ZNF385B: variants seen among roughly 807,000 people sequenced by gnomAD.
ZNF385B encodes zinc finger protein 533.
In ZNF385B, 23 loss-of-function variants were observed where a neutral mutation model predicts 39.2. That is an observed-to-expected ratio of 0.59 (90% CI 0.42 to 0.83). The LOEUF (loss-of-function observed/expected upper bound fraction) is 0.83, where lower values mean the gene tolerates loss of function less well. ZNF385B is among the 40% of genes least tolerant of loss of function. ZNF385B has a pLI of 0.00. For synonymous variants in ZNF385B, 205 were observed against 222.6 expected (o/e 0.92, Z 0.70); for missense variants, 552 against 598.9 (o/e 0.92, Z 0.82).
At chr2:179,776,706 G>C (rs1704343362) in intron 1 of ZNF385B, among the ~76,000 whole-genome samples, 1 of 152,112 alleles carries the variant, frequency 6.6e-6, no homozygotes, top group African/African-American at 2.4e-5. Context: ...GAAGGCAGTG[G>C]TCCAAAGCTA....
chr2:179,495,124 G>T (rs1386631378), intron 5 of ZNF385B, among the ~76,000 whole-genome samples: 1 of 152,112 alleles, frequency 6.6e-6, no homozygotes, highest in East Asian at 1.9e-4. Flanking sequence ...GTGCCAGAAG[G>T]GGAGCCCACT....
intron 3 of ZNF385B, among the ~76,000 whole-genome samples, chr2:179,665,470 A>T (rs1695026004): frequency 6.6e-6 from 1 of 152,160 alleles, no homozygotes; most frequent in Non-Finnish European, 1.5e-5. Flanking sequence ...CTACCCAGAC[A>T]TTTAACTTGG....
intron 3 of ZNF385B, among the ~76,000 whole-genome samples, chr2:179,645,611 C>T (rs1486866828): frequency 2.6e-5 from 4 of 152,176 alleles, no homozygotes; most frequent in Non-Finnish European, 5.9e-5. Flanking sequence ...TTCATGAAGA[C>T]TTACACAGTG....
At chr2:179,690,222 A>AG (rs1698253035) in intron 3 of ZNF385B, among the ~76,000 whole-genome samples, 1 of 152,188 alleles carries the variant, frequency 6.6e-6, no homozygotes, top group Non-Finnish European at 1.5e-5. Context: ...GGGGAAAAAA[A>AG]AGAGAGAGAA....
At chr2:179,476,217 G>T (rs1157403593) in intron 6 of ZNF385B, among the ~76,000 whole-genome samples, 1 of 151,984 alleles carries the variant, frequency 6.6e-6, no homozygotes. Context: ...AATAACCTTT[G>T]TTGAAATCTC....
intron 1 of ZNF385B, among the ~76,000 whole-genome samples, chr2:179,835,476 C>T (rs1234604413): frequency 2.0e-5 from 3 of 152,248 alleles, no homozygotes; most frequent in Non-Finnish European, 1.5e-5. Context: ...AAGCTAAATA[C>T]GTGCACCATA....
chr2:179,515,297 T>C (rs1331137189), intron 5 of ZNF385B, among the ~76,000 whole-genome samples: 1 of 152,194 alleles, frequency 6.6e-6, no homozygotes, highest in Non-Finnish European at 1.5e-5. Flanking sequence ...AACCAAGCAG[T>C]TCTCTATTAC....
chr2:179,745,046 T>C (rs1172079702), intron 3 of ZNF385B, among the ~76,000 whole-genome samples: 2 of 152,178 alleles, frequency 1.3e-5, no homozygotes, highest in Non-Finnish European at 2.9e-5. Context: ...TATATTTAAA[T>C]GATACAATCT....
intron 3 of ZNF385B, among the ~76,000 whole-genome samples, chr2:179,670,659 C>T (rs898411777): frequency 1.6e-4 from 24 of 152,100 alleles, no homozygotes; most frequent in African/African-American, 5.6e-4. Flanking sequence ...TCCAACATAC[C>T]ACTGAAAAGG....
intron 3 of ZNF385B, among the ~76,000 whole-genome samples, chr2:179,585,106 T>C (rs1298271615): frequency 2.0e-5 from 3 of 152,146 alleles, no homozygotes; most frequent in East Asian, 3.8e-4. Flanking sequence ...CAGCTTACAG[T>C]GGGCTGGAAT....
At chr2:179,650,897 C>T (rs928217629) in intron 3 of ZNF385B, among the ~76,000 whole-genome samples, 3 of 152,088 alleles carry the variant, frequency 2.0e-5, no homozygotes, top group African/African-American at 7.2e-5. Context: ...ATCCACTAGA[C>T]AATTGATACA....
chr2:179,470,842 T>C (rs1277594605), intron 6 of ZNF385B, among the ~76,000 whole-genome samples: 1 of 146,050 alleles, frequency 6.8e-6, no homozygotes, highest in African/African-American at 2.6e-5. Flanking sequence ...AGCTGGTCAG[T>C]TACAAACTTT....
intron 1 of ZNF385B, among the ~76,000 whole-genome samples, chr2:179,838,928 A>AAG (rs71401764): frequency 3.8e-5 from 5 of 131,066 alleles, no homozygotes; most frequent in Admixed American, 1.5e-4. Context: ...CCAAAAAAAA[A>AAG]GGGGGGGGGG....
chr2:179,458,347 G>A (rs1230911432), intron 6 of ZNF385B, among the ~76,000 whole-genome samples: 2 of 152,178 alleles, frequency 1.3e-5, no homozygotes, highest in Non-Finnish European at 2.9e-5. Context: ...TGTAAGACAT[G>A]ACTTGCTCCT....
At chr2:179,743,290 T>C (rs1702183320) in intron 3 of ZNF385B, among the ~76,000 whole-genome samples, 2 of 152,074 alleles carry the variant, frequency 1.3e-5, no homozygotes, top group Admixed American at 1.3e-4. Flanking sequence ...TGATGATGAT[T>C]TGTGACATAA....
chr2:179,839,675 A>G (rs140102473), intron 1 of ZNF385B, among the ~76,000 whole-genome samples: 223 of 152,302 alleles, frequency 1.5e-3, no homozygotes, highest in African/African-American at 5.0e-3. Flanking sequence ...TATTTAAAGA[A>G]CTATTTACAA....
At chr2:179,857,350 A>G (rs1242962544) in intron 1 of ZNF385B, among the ~76,000 whole-genome samples, 1 of 152,230 alleles carries the variant, frequency 6.6e-6, no homozygotes, top group African/African-American at 2.4e-5. Context: ...CACAAAGCAC[A>G]TATATATCAG....
chr2:179,745,602 C>A (rs1702331748), intron 3 of ZNF385B: 6 of 950,296 alleles, frequency 6.3e-6, no homozygotes, highest in Non-Finnish European at 8.7e-6. Context: ...TGTGTCAGCA[C>A]AATGTGATAA....
At chr2:179,605,906 C>G (rs1688761572) in intron 3 of ZNF385B, among the ~76,000 whole-genome samples, 1 of 152,046 alleles carries the variant, frequency 6.6e-6, no homozygotes, top group African/African-American at 2.4e-5. Flanking sequence ...AGATAGTAAC[C>G]TGAGACGTAA....
Sources: allele counts gnomAD v4.1 joint callset (sites outside exome capture counted in the v4.1 genomes callset), GRCh38; gene constraint gnomAD v4.1.1; transcripts MANE v1.5; gene names NCBI Gene and HGNC (gene_info 2026-07-23, HGNC 2026-07-21).